The following CXADR variants were observed in gnomAD, a reference collection of about 807,000 sequenced individuals.
CXADR encodes CXADR cell adhesion molecule, also known as coxsackievirus and adenovirus receptor.
In CXADR, 20 loss-of-function variants were observed where a neutral mutation model predicts 40.3. The ratio of observed to expected loss-of-function variants is 0.50; its 90% CI spans 0.35 to 0.72. The LOEUF is 0.72. CXADR is among the 30% of genes least tolerant of loss of function. The pLI is 0.01. For missense variants in CXADR, 332 were observed against 449.1 expected (o/e 0.74, Z 2.36); for synonymous variants, 150 against 161.3 (o/e 0.93, Z 0.53).
chr21:17,568,793 C>T lies in CXADR; in HGVS notation c.*3101C>T. 1.0e-6 allele frequency: 1 copy of T among 985,018 alleles called. No homozygotes were observed. Among genetic ancestry groups the T allele is most frequent in the Non-Finnish European group, 1.2e-6 (1 of 829,858 alleles). The allele number at this position is 985,018 out of a possible 1,614,324, so 61.0% of individuals were successfully genotyped here. The stretch of plus-strand genomic sequence containing the variant: ...TGTTAGAGAGCCTCTCACTCCCCCA[C>T]CCCCAAAAATGTCTACTATTCATGA... On this transcript the variant is annotated 3_prime_UTR_variant, in exon 7 of 7. Transcript: ENST00000284878.
chr21:17,590,583 CATAAAGTG>C (rs2061428048), intron 7 of CXADR, among the ~76,000 whole-genome samples: 2 of 152,082 alleles, frequency 1.3e-5, no homozygotes, highest in African/African-American at 4.8e-5. Context: ...GAGTCAATGC[CATAAAGTG>C]CCATATGCAA....
chr21:17,552,546 A>G (rs562022583), intron 3 of CXADR, among the ~76,000 whole-genome samples: 2 of 151,978 alleles, frequency 1.3e-5, no homozygotes, highest in Non-Finnish European at 2.9e-5. Flanking sequence ...CCTTCTCTAG[A>G]TTCTGTGATA....
intron 1 of CXADR, among the ~76,000 whole-genome samples, chr21:17,520,687 G>A (rs755785270): frequency 7.2e-5 from 11 of 152,326 alleles, no homozygotes; most frequent in African/African-American, 9.6e-5. Context: ...TGATCTGGAC[G>A]TAAGCAGTCC....
chr21:17,580,785 C>A (rs2061354762), intron 7 of CXADR, among the ~76,000 whole-genome samples: 1 of 152,122 alleles, frequency 6.6e-6, no homozygotes, highest in Admixed American at 6.5e-5. Flanking sequence ...GAGTCTTGCT[C>A]TGTCACCCAG....
the CXADR span, among the ~76,000 whole-genome samples, chr21:17,622,227 T>G: frequency 6.6e-6 from 1 of 152,188 alleles, no homozygotes; most frequent in Non-Finnish European, 1.5e-5. Context: ...AAAATTCTGC[T>G]TTGTCAGCAG....
At chr21:17,521,781 A>C (rs2060533662) in intron 1 of CXADR, among the ~76,000 whole-genome samples, 1 of 152,192 alleles carries the variant, frequency 6.6e-6, no homozygotes, top group South Asian at 2.1e-4. Context: ...GCCAGCAGAT[A>C]AAGACTCTTT....
In CXADR at chr21:17,569,821, G is replaced by A. The variant is rs2061261650; in HGVS notation, c.*4129G>A. Reference sequence around the variant, plus strand: ...TCTGCTAACTTATTTAATGACACAAGTTTTAAGAGAACCACAATTCATTGA... The same window carrying A: ...TCTGCTAACTTATTTAATGACACAAATTTTAAGAGAACCACAATTCATTGA... On this transcript the variant is annotated 3_prime_UTR_variant, in exon 7 of 7. Transcript: ENST00000284878. 1 of 985,210 alleles carries A rather than the reference G, an allele frequency of 1.0e-6. No homozygotes were observed. The highest frequency in any genetic ancestry group is 4.7e-5 in the South Asian group (1 of 21,286). The allele number at this position is 985,210 out of a possible 1,614,324, so 61.0% of individuals were successfully genotyped here. A position where few individuals can be genotyped will look rare whatever the true frequency, so the allele number is the denominator to read the frequency against.
intron 1 of CXADR, among the ~76,000 whole-genome samples, chr21:17,522,320 G>A (rs534362075): frequency 1.6e-3 from 246 of 151,738 alleles, no homozygotes; most frequent in Non-Finnish European, 1.9e-3. Flanking sequence ...GGGTAATTTT[G>A]TATTTTTAGT....
At chr21:17,607,887 A>C in the CXADR span, among the ~76,000 whole-genome samples, 1 of 152,246 alleles carries the variant, frequency 6.6e-6, no homozygotes, top group South Asian at 2.1e-4. Flanking sequence ...TACAGTGAGC[A>C]TGCCAGGGCA....
At chr21:17,608,989 C>T in the CXADR span, 22 of 1,613,156 alleles carry the variant, frequency 1.4e-5, no homozygotes, top group South Asian at 3.3e-5. Flanking sequence ...CCTGTCCTTT[C>T]GATGGTTTTT....
At chr21:17,605,146 A>G in the CXADR span, 22 of 893,484 alleles carry the variant, frequency 2.5e-5, no homozygotes, top group Non-Finnish European at 3.1e-5. Context: ...TCCTAAACAG[A>G]TAATAAATGT....
downstream of CXADR, chr21:17,594,152 G>C (rs2061472067): frequency 6.2e-7 from 1 of 1,613,226 alleles, no homozygotes; most frequent in Admixed American, 1.7e-5. Flanking sequence ...TGCATTCCAG[G>C]AGGAGGTACC....
chr21:17,545,081 T>G (rs1232079440), intron 1 of CXADR, among the ~76,000 whole-genome samples: 1 of 143,570 alleles, frequency 7.0e-6, no homozygotes, highest in African/African-American at 2.6e-5. Flanking sequence ...TGTTTTTTTT[T>G]TTTTTTTTTT....
intron 2 of CXADR, among the ~76,000 whole-genome samples, chr21:17,549,183 A>T: frequency 6.6e-6 from 1 of 152,216 alleles, no homozygotes; most frequent in East Asian, 1.9e-4. Flanking sequence ...GGTGAGAATT[A>T]TTATACATAT....
chr21:17,591,934 T>C (rs950309307), intron 7 of CXADR, among the ~76,000 whole-genome samples: 91 of 152,060 alleles, frequency 6.0e-4, no homozygotes, highest in African/African-American at 1.8e-3. Context: ...TCATTAGGAA[T>C]AGATTGGAAA....
chr21:17,513,880 C>T lies in CXADR; in HGVS notation c.43+708C>T, dbSNP rs117262138. Among the ~76,000 whole-genome samples the T allele has an allele frequency of 9.2e-5, 14 of 152,274 alleles. No individual in the cohort carries two copies. The East Asian group carries it at 2.7e-3, about 29-fold the overall frequency. On this transcript the variant is annotated intron_variant, in intron 1 of 6. Coordinates refer to ENST00000284878, the MANE Select transcript of CXADR (RefSeq NM_001338.5). ...AGTGCAAAGGAGAATTCAGTGACCT[C>T]GTTTTTGAGTTTGTAATGAGTCGTT... is the stretch of plus-strand genomic sequence containing the variant.
the CXADR span, among the ~76,000 whole-genome samples, chr21:17,620,451 A>C: frequency 6.6e-6 from 1 of 152,210 alleles, no homozygotes; most frequent in Non-Finnish European, 1.5e-5. Context: ...CAAAATAGTA[A>C]CATCAAAGAT....
chr21:17,603,610 TAA>T, the CXADR span, among the ~76,000 whole-genome samples: 421 of 152,264 alleles, frequency 2.8e-3, no homozygotes, highest in African/African-American at 9.6e-3. Context: ...CTACAATCAA[TAA>T]AGAGGCCAGG....
intron 3 of CXADR, among the ~76,000 whole-genome samples, chr21:17,556,121 G>A (rs943990352): frequency 6.6e-6 from 1 of 152,272 alleles, no homozygotes; most frequent in Admixed American, 6.5e-5. Context: ...GGAAGCAGAT[G>A]TTCTGAGGAC....
Sources: gnomAD v4.1 joint callset for allele counts (sites outside exome capture counted in the v4.1 genomes callset) on GRCh38, gnomAD v4.1.1 for gene constraint, MANE v1.5 for transcripts, NCBI Gene and HGNC (gene_info 2026-07-23, HGNC 2026-07-21) for gene names.